Variants in FRMD8 observed in about 807,000 individuals in gnomAD.
FRMD8 encodes FERM domain containing 8, also known as FERM domain-containing protein 8.
Under a neutral mutation model 54.2 loss-of-function variants are expected in FRMD8, and 37 were observed. That is an observed-to-expected ratio of 0.68 (90% CI 0.53 to 0.90). The LOEUF is 0.90. FRMD8 is among the 40% of genes least tolerant of loss of function. FRMD8 has a pLI of 0.00. For synonymous variants in FRMD8, 246 were observed against 286.9 expected (o/e 0.86, Z 1.44); for missense variants, 585 against 653.7 (o/e 0.89, Z 1.15).
intron 3 of FRMD8, among the ~76,000 whole-genome samples, chr11:65,393,234 TG>T (rs1855877788): frequency 6.6e-6 from 1 of 152,214 alleles, no homozygotes; most frequent in African/African-American, 2.4e-5. Flanking sequence ...CTGATGGCAC[TG>T]AGGGTTCCTT....
intron 7 of FRMD8, among the ~76,000 whole-genome samples, chr11:65,397,875 CTTTTTTTT>C (rs71064881): frequency 9.4e-6 from 1 of 106,778 alleles, no homozygotes; most frequent in Admixed American, 9.6e-5. Context: ...ATTTTTCTTT[CTTTTTTTT>C]TTTTTTTTTT....
chr11:65,377,868 GTC>G, the FRMD8 span: 2 of 152,338 alleles, frequency 1.3e-5, no homozygotes, highest in African/African-American at 2.4e-5. Flanking sequence ...AGGCTAGCCT[GTC>G]TCTGAGGGAT....
intron 10 of FRMD8, among the ~76,000 whole-genome samples, chr11:65,406,538 C>G (rs1268334903): frequency 6.6e-6 from 1 of 151,450 alleles, no homozygotes; most frequent in Non-Finnish European, 1.5e-5. Context: ...CCGTGTTAGC[C>G]AGGATGGTCT....
intron 9 of FRMD8, among the ~76,000 whole-genome samples, chr11:65,401,779 G>T: frequency 7.0e-6 from 1 of 143,156 alleles, no homozygotes; most frequent in Admixed American, 7.1e-5. Flanking sequence ...TCATGGCTTT[G>T]AACTCCAAGA....
At chr11:65,377,742 T>C in the FRMD8 span, 1 of 152,386 alleles carries the variant, frequency 6.6e-6, no homozygotes, top group African/African-American at 2.4e-5. Context: ...GGAGTCCTGG[T>C]GAGGGTCAGT....
At chr11:65,388,356 C>T (rs554437398) in intron 2 of FRMD8, among the ~76,000 whole-genome samples, 86 of 152,264 alleles carry the variant, frequency 5.6e-4, no homozygotes, top group Middle Eastern at 3.4e-3. Flanking sequence ...TTTGTGATCT[C>T]TGAGAGTAGC....
In FRMD8 at chr11:65,400,765, C is replaced by T; in HGVS notation, c.969C>T (p.Asp323=). The change falls in exon 9 of 11, where the codon GAC becomes GAT. Residue 323 remains aspartate (D), a synonymous_variant. Coordinates refer to ENST00000317568, the MANE Select transcript of FRMD8 (RefSeq NM_031904.5). The surrounding 1 kb of genome is among the most constrained non-coding windows in gnomAD (Gnocchi z 4.3). ...TGCGCTTCCAGGAGCTGTCGTGGGA[C>T]CACACCTCCCCCGAGGAGGAGGAGC... ...LGLRFQELSW[D]HTSPEEEEPI... is the part of the protein sequence containing the mutation. The T allele has an allele frequency of 6.2e-7, 1 of 1,610,094 alleles. No individual in the cohort carries two copies. The highest frequency in any genetic ancestry group is 8.5e-7 in the Non-Finnish European group (1 of 1,178,734).
chr11:65,378,520 G>A, the FRMD8 span: 2 of 152,082 alleles, frequency 1.3e-5, no homozygotes, highest in African/African-American at 2.4e-5. Flanking sequence ...GATGTGGCTC[G>A]CGGGGCTCAG....
intron 9 of FRMD8, among the ~76,000 whole-genome samples, chr11:65,402,794 C>T (rs1856110011): frequency 6.6e-6 from 1 of 151,488 alleles, no homozygotes; most frequent in Admixed American, 6.6e-5. Context: ...ACTTCTGCAT[C>T]TTTTGTTAGA....
At chr11:65,371,616 T>G in the FRMD8 span, among the ~76,000 whole-genome samples, 1 of 152,174 alleles carries the variant, frequency 6.6e-6, no homozygotes, top group Admixed American at 6.5e-5. Context: ...AACATCTAGT[T>G]TTGTTTTCTT....
chr11:65,389,803 AC>A (rs2137866142), intron 3 of FRMD8, among the ~76,000 whole-genome samples: 1 of 152,190 alleles, frequency 6.6e-6, no homozygotes, highest in South Asian at 2.1e-4. Context: ...TGGTCCAGGA[AC>A]AGTACCGCAG....
chr11:65,382,131 G>A, upstream of FRMD8: 1 of 641,898 alleles, frequency 1.6e-6, no homozygotes, highest in South Asian at 1.7e-5. The surrounding 1 kb of genome is among the most constrained non-coding windows in gnomAD (Gnocchi z 4.4). Context: ...CAGTTCCGGT[G>A]ACCCTGGCCA....
the FRMD8 span, among the ~76,000 whole-genome samples, chr11:65,374,632 A>T: frequency 6.6e-6 from 1 of 152,126 alleles, no homozygotes; most frequent in Non-Finnish European, 1.5e-5. Context: ...GTTGTCAGTT[A>T]AAAGAACCCT....
the FRMD8 span, chr11:65,375,148 AG>A: frequency 6.6e-6 from 1 of 152,370 alleles, no homozygotes; most frequent in East Asian, 1.9e-4. Context: ...CCAGGGAAGC[AG>A]GTGTGGCAGC....
chr11:65,381,901 GA>G (rs766643327), upstream of FRMD8: 6 of 1,613,978 alleles, frequency 3.7e-6, no homozygotes, highest in African/African-American at 1.3e-5. Context: ...ACAGAAGGAA[GA>G]AAAATGTCTC....
Position 65,386,924 on chromosome 11 carries a change from C to T in FRMD8, c.1-113C>T, listed in dbSNP as rs938645738. The T allele has an allele frequency of 6.5e-6, 6 of 929,790 alleles. No individual in the cohort carries two copies. In the African/African-American group the frequency reaches 9.9e-5, roughly 15 times the overall value. 57.6% of individuals were successfully genotyped at this position (929,790 alleles called of 1,614,324 possible). A position where few individuals can be genotyped will look rare whatever the true frequency, so the allele number is the denominator to read the frequency against. On this transcript the variant is annotated intron_variant, in intron 1 of 10. Coordinates refer to ENST00000317568, the MANE Select transcript of FRMD8 (RefSeq NM_031904.5). Reference sequence around the variant, plus strand: ...CTTGGCCCCTCCAGGCAGCGCCGCTCAACCTTGCGGACCCAGCCTGGGATC... The same window carrying T: ...CTTGGCCCCTCCAGGCAGCGCCGCTTAACCTTGCGGACCCAGCCTGGGATC...
chr11:65,392,047 C>G (rs942841134), intron 3 of FRMD8, among the ~76,000 whole-genome samples: 5 of 152,216 alleles, frequency 3.3e-5, no homozygotes, highest in Admixed American at 6.5e-5. Flanking sequence ...TAATGGAGCC[C>G]TTTCTGGAGG....
At position 65,386,955 on chromosome 11, in the gene FRMD8, C is replaced by A. The variant is rs546928867; in HGVS notation, c.1-82C>A. ...TGCGGACCCAGCCTGGGATCCCTTA[C>A]CGTACTCACCGAGAGCTTGAGGAGA... On this transcript the variant is annotated intron_variant, in intron 1 of 10. Coordinates refer to ENST00000317568, the MANE Select transcript of FRMD8 (RefSeq NM_031904.5). 4 of 1,240,148 alleles carry A rather than the reference C, an allele frequency of 3.2e-6. No individual in the cohort carries two copies. In the African/African-American group the frequency reaches 4.5e-5, roughly 14 times the overall value. 76.8% of individuals were successfully genotyped at this position (1,240,148 alleles called of 1,614,324 possible).
At chr11:65,399,346 TTCCCAGCAGG>T (rs997148982) in intron 7 of FRMD8, among the ~76,000 whole-genome samples, 1 of 152,090 alleles carries the variant, frequency 6.6e-6, no homozygotes, top group African/African-American at 2.4e-5. Flanking sequence ...CTCCTCGTGC[TTCCCAGCAGG>T]TCCCTGCTGC....
Sources: allele counts gnomAD v4.1 joint callset (sites outside exome capture counted in the v4.1 genomes callset), GRCh38; gene constraint gnomAD v4.1.1; non-coding constraint Gnocchi (gnomAD v3.1); transcripts MANE v1.5; gene names NCBI Gene and HGNC (gene_info 2026-07-23, HGNC 2026-07-21).